Variants in PRKG2 observed in about 807,000 individuals in gnomAD.
PRKG2 encodes the protein cGMP-dependent protein kinase 2.
A neutral mutation model predicts 97.2 loss-of-function variants in PRKG2; 33 were observed. The observed-to-expected ratio is 0.34, with a 90% CI of 0.26 to 0.45. The LOEUF (loss-of-function observed/expected upper bound fraction) is 0.45. Ranked by LOEUF, PRKG2 falls within the 20% of genes least tolerant of loss-of-function variation. The pLI is 1.00. For synonymous variants in PRKG2, 330 were observed against 321.8 expected, an observed-to-expected ratio of 1.03 and a Z score of -0.27; for missense variants, 638 against 900.0, an observed-to-expected ratio of 0.71 and a Z score of 3.73.
chr4:81,153,056 T>C (rs1040881438), intron 7 of PRKG2, among the ~76,000 whole-genome samples: 16 of 152,230 alleles, frequency 1.1e-4, no homozygotes, highest in Admixed American at 6.5e-5. Flanking sequence ...AGTAATACTG[T>C]TGAGTCAACA....
intron 9 of PRKG2, among the ~76,000 whole-genome samples, chr4:81,144,594 T>TTTTA (rs1449549040): frequency 7.6e-6 from 1 of 131,328 alleles, no homozygotes; most frequent in African/African-American, 3.8e-5. Context: ...GTATTTAAGG[T>TTTTA]TATATATATA....
intron 17 of PRKG2, among the ~76,000 whole-genome samples, chr4:81,103,787 C>G (rs1743048574): frequency 1.3e-5 from 2 of 152,120 alleles, no homozygotes; most frequent in South Asian, 2.1e-4. Context: ...AATCCCAGCA[C>G]TTTGGGAGGC....
At chr4:81,108,700 G>T (rs1485195048) in intron 15 of PRKG2, among the ~76,000 whole-genome samples, 1 of 152,014 alleles carries the variant, frequency 6.6e-6, no homozygotes, top group Non-Finnish European at 1.5e-5. Flanking sequence ...CTTGAGCCCA[G>T]CCTGGGTAAC....
intron 6 of PRKG2, among the ~76,000 whole-genome samples, chr4:81,162,657 C>A (rs1205122852): frequency 6.6e-6 from 1 of 152,094 alleles, no homozygotes; most frequent in Non-Finnish European, 1.5e-5. Flanking sequence ...ACCCTTCATC[C>A]CTTCCCAATT....
chr4:81,176,605 C>A (rs1040122175), intron 2 of PRKG2, among the ~76,000 whole-genome samples: 1 of 152,152 alleles, frequency 6.6e-6, no homozygotes, highest in Admixed American at 6.5e-5. Context: ...TCAATGCCCA[C>A]ATATACTAAT....
chr4:81,181,870 G>A (rs1173954369), intron 2 of PRKG2, among the ~76,000 whole-genome samples: 2 of 151,536 alleles, frequency 1.3e-5, no homozygotes, highest in East Asian at 1.9e-4. Flanking sequence ...ATCAAGTATG[G>A]AAAATTGTGA....
intron 17 of PRKG2, among the ~76,000 whole-genome samples, chr4:81,094,394 C>T (rs962043590): frequency 1.2e-4 from 17 of 137,522 alleles, no homozygotes; most frequent in Non-Finnish European, 1.5e-5. Flanking sequence ...AAATCTGATG[C>T]CAAACTTTAG....
chr4:81,153,185 T>C lies in PRKG2; in HGVS notation c.990+459A>G, dbSNP rs367968333. 1.1e-4 allele frequency among the ~76,000 whole-genome samples: 16 copies of C among 152,376 alleles called. No homozygotes were observed. The South Asian group carries it at 1.4e-3, about 14-fold the overall frequency. On this transcript the variant is annotated intron_variant, in intron 7 of 18. Coordinates refer to ENST00000264399, the MANE Select transcript of PRKG2 (RefSeq NM_006259.3). The stretch of plus-strand genomic sequence containing the variant: ...ATTCACTTGAGCTGTTTTGTATCAA[T>C]TGAAATTCTGAGCCATATTGGTTCT...
rs1010411995 is a variant in PRKG2 at position 81,088,747 on chromosome 4, A to T, written c.*961T>A. On this transcript the variant is annotated 3_prime_UTR_variant, in exon 19 of 19. Coordinates refer to ENST00000264399, the MANE Select transcript of PRKG2 (RefSeq NM_006259.3). ...GTCAATGGGATTTATATTAAAAATT[A>T]ACGATGATTCTATACAATTTTGGTT... The T allele has an allele frequency of 2.0e-5, 3 of 152,230 alleles. No homozygotes were observed. Among genetic ancestry groups the T allele is most frequent in the Admixed American group, 1.3e-4 (2 of 15,286 alleles). The allele number at this position is 152,230 out of a possible 1,614,324, so 9.4% of individuals were successfully genotyped here. A position where few individuals can be genotyped will look rare whatever the true frequency, so the allele number is the denominator to read the frequency against.
At chr4:81,170,256 T>A (rs1750346427) in intron 4 of PRKG2, among the ~76,000 whole-genome samples, 1 of 152,282 alleles carries the variant, frequency 6.6e-6, no homozygotes, top group East Asian at 1.9e-4. Context: ...TAAGAATCTC[T>A]ACAGTTACTT....
chr4:81,208,218 G>A (rs931781083), intron 1 of PRKG2, among the ~76,000 whole-genome samples: 1 of 152,022 alleles, frequency 6.6e-6, no homozygotes, highest in African/African-American at 2.4e-5. Context: ...TATCCATCTC[G>A]TAGGGTTACT....
At chr4:81,183,396 C>A (rs1033684830) in intron 2 of PRKG2, among the ~76,000 whole-genome samples, 3 of 152,054 alleles carry the variant, frequency 2.0e-5, no homozygotes, top group Admixed American at 2.0e-4. Flanking sequence ...GGTCGAGGAA[C>A]TCCCTCCCCT....
chr4:81,095,776 C>T (rs1742050379), intron 17 of PRKG2, among the ~76,000 whole-genome samples: 1 of 152,096 alleles, frequency 6.6e-6, no homozygotes, highest in Non-Finnish European at 1.5e-5. Context: ...AAAGTAATTT[C>T]AAAGACTAGA....
chr4:81,213,441 G>T (rs542898547), intron 1 of PRKG2, among the ~76,000 whole-genome samples: 1 of 152,110 alleles, frequency 6.6e-6, no homozygotes, highest in South Asian at 2.1e-4. Flanking sequence ...CTTAAGAGGT[G>T]AGCAGGCTGT....
At chr4:81,152,095 A>G in intron 7 of PRKG2, 41 bp from the exon 8 acceptor site, 1 of 1,460,460 alleles carries the variant, frequency 6.8e-7, no homozygotes, top group South Asian at 1.2e-5. Context: ...GAGACTGAAG[A>G]AAAAGGAGAA....
At chr4:81,157,208 G>C (rs1749181419) in intron 6 of PRKG2, among the ~76,000 whole-genome samples, 1 of 152,012 alleles carries the variant, frequency 6.6e-6, no homozygotes, top group Non-Finnish European at 1.5e-5. Flanking sequence ...AAAAAAGAGA[G>C]AAGAATCAAA....
At chr4:81,127,561 G>A (rs964856926) in intron 14 of PRKG2, among the ~76,000 whole-genome samples, 11 of 152,154 alleles carry the variant, frequency 7.2e-5, no homozygotes, top group Non-Finnish European at 1.6e-4. Context: ...TCCCTTGTAA[G>A]TTGTATTCCT....
chr4:81,138,440 G>C (rs1176870381), intron 12 of PRKG2, among the ~76,000 whole-genome samples: 1 of 152,094 alleles, frequency 6.6e-6, no homozygotes, highest in African/African-American at 2.4e-5. Flanking sequence ...AGCTGCCAAG[G>C]CTTGAATCCA....
chr4:81,200,361 C>T (rs924839000), intron 2 of PRKG2, among the ~76,000 whole-genome samples: 1 of 152,162 alleles, frequency 6.6e-6, no homozygotes, highest in African/African-American at 2.4e-5. Context: ...TCGCAATGTC[C>T]TTTTCTCACA....
Sources: gnomAD v4.1 joint callset for allele counts (sites outside exome capture counted in the v4.1 genomes callset) on GRCh38, gnomAD v4.1.1 for gene constraint, MANE v1.5 for transcripts, NCBI Gene and HGNC (gene_info 2026-07-23, HGNC 2026-07-21) for gene names.